Variants in OTUD7B observed in about 807,000 individuals in gnomAD.
The protein encoded by OTUD7B is OTU deubiquitinase 7B, also known as OTU domain-containing protein 7B.
In OTUD7B, 34 loss-of-function variants were observed where a neutral mutation model predicts 82.2. The observed-to-expected ratio is 0.41, with a 90% CI of 0.31 to 0.55. OTUD7B has a LOEUF of 0.55. Among genes scored for constraint, OTUD7B ranks in the 20% least tolerant of loss-of-function variants. The probability of loss-of-function intolerance (pLI) is 0.20; values close to 1 mark genes in which losing one functional copy is unlikely to be tolerated. For missense variants in OTUD7B, 944 were observed against 1,062.1 expected (o/e 0.89, Z 1.55); for synonymous variants, 398 against 402.7 (o/e 0.99, Z 0.14).
chr1:149,978,420 T>C (rs1650476658), intron 1 of OTUD7B, among the ~76,000 whole-genome samples: 1 of 151,986 alleles, frequency 6.6e-6, no homozygotes, highest in Non-Finnish European at 1.5e-5. Context: ...GGCAGGAGAA[T>C]CCCTTGAACC....
chr1:149,989,374 G>T (rs1048838920), intron 1 of OTUD7B, among the ~76,000 whole-genome samples: 1 of 151,152 alleles, frequency 6.6e-6, no homozygotes, highest in Non-Finnish European at 1.5e-5. Flanking sequence ...TCGGGAGGCT[G>T]AGGCAGGAGA....
At chr1:149,988,241 A>G (rs1553781279) in intron 1 of OTUD7B, among the ~76,000 whole-genome samples, 1 of 152,194 alleles carries the variant, frequency 6.6e-6, no homozygotes, top group Non-Finnish European at 1.5e-5. Flanking sequence ...ACCACTCCCA[A>G]AACAATTTAT....
chr1:149,973,868 T>TC (rs1650102306), intron 2 of OTUD7B, among the ~76,000 whole-genome samples: 2 of 149,518 alleles, frequency 1.3e-5, no homozygotes, highest in Admixed American at 1.3e-4. Context: ...ATTTTTTTTT[T>TC]TTTTTTTGAG....
intron 8 of OTUD7B, 58 bp downstream of exon 8, chr1:149,950,034 GCC>G: frequency 6.2e-7 from 1 of 1,604,692 alleles, no homozygotes; most frequent in South Asian, 1.1e-5. Context: ...CCAATGCTTA[GCC>G]TAAGGCTTTG....
At chr1:149,999,264 C>T (rs1310372786) in intron 1 of OTUD7B, among the ~76,000 whole-genome samples, 1 of 152,278 alleles carries the variant, frequency 6.6e-6, no homozygotes, top group South Asian at 2.1e-4. Context: ...AATGACAGGA[C>T]ACCTTGTGCC....
At chr1:150,048,911 C>T in the OTUD7B span, among the ~76,000 whole-genome samples, 1 of 152,196 alleles carries the variant, frequency 6.6e-6, no homozygotes, top group African/African-American at 2.4e-5. Context: ...CAGCTCACGG[C>T]AACCTCTGCC....
At chr1:149,962,826 A>G (rs79424336) in intron 6 of OTUD7B, 1 of 152,216 alleles carries the variant, frequency 6.6e-6, no homozygotes, top group Admixed American at 6.5e-5. Context: ...AAAGCTGACT[A>G]CCACAAAACT....
chr1:149,966,603 A>G (rs1451612399), intron 4 of OTUD7B, among the ~76,000 whole-genome samples: 3 of 152,176 alleles, frequency 2.0e-5, no homozygotes, highest in African/African-American at 7.2e-5. Flanking sequence ...CATGAGGAAA[A>G]TATCTTATGA....
intron 1 of OTUD7B, among the ~76,000 whole-genome samples, chr1:149,990,499 T>C (rs1651484504): frequency 6.6e-6 from 1 of 152,216 alleles, no homozygotes; most frequent in Non-Finnish European, 1.5e-5. Flanking sequence ...ATTTGTCCCA[T>C]CAAGATGTAT....
At chr1:150,022,576 C>T in the OTUD7B span, among the ~76,000 whole-genome samples, 6 of 152,028 alleles carry the variant, frequency 3.9e-5, no homozygotes, top group South Asian at 4.1e-4. Context: ...CCCAGCCTAG[C>T]GGTAGTGCCT....
chr1:150,017,951 G>A, the OTUD7B span, among the ~76,000 whole-genome samples: 4 of 152,104 alleles, frequency 2.6e-5, no homozygotes, highest in Non-Finnish European at 4.4e-5. Flanking sequence ...TCTCACTGAC[G>A]TGCCCTCCAT....
chr1:150,022,967 T>TA, the OTUD7B span, among the ~76,000 whole-genome samples: 1 of 152,204 alleles, frequency 6.6e-6, no homozygotes, highest in East Asian at 1.9e-4. Flanking sequence ...GCAAGAGATT[T>TA]ATCACAATTA....
chr1:149,966,359 C>T (rs189500541), intron 4 of OTUD7B, among the ~76,000 whole-genome samples: 1 of 152,114 alleles, frequency 6.6e-6, no homozygotes, highest in African/African-American at 2.4e-5. Flanking sequence ...ACTCAGGAGA[C>T]CAGTATGTAT....
intron 1 of OTUD7B, among the ~76,000 whole-genome samples, chr1:150,003,648 T>C (rs1652456698): frequency 1.3e-5 from 2 of 152,180 alleles, no homozygotes; most frequent in Non-Finnish European, 2.9e-5. Flanking sequence ...TCCTCGTGGG[T>C]TCCTTGTCTC....
At chr1:149,949,606 C>A in intron 9 of OTUD7B, 23 bp downstream of exon 9, 1 of 1,609,314 alleles carries the variant, frequency 6.2e-7, no homozygotes, top group Non-Finnish European at 8.5e-7. Flanking sequence ...ATAATGCAGA[C>A]CAAAAGACAT....
At chr1:149,973,475 C>CT (rs1650067250) in intron 2 of OTUD7B, among the ~76,000 whole-genome samples, 1 of 152,072 alleles carries the variant, frequency 6.6e-6, no homozygotes, top group South Asian at 2.1e-4. Context: ...AATCAGTTAA[C>CT]TGTTGTTGTT....
chr1:149,995,895 T>A (rs1651892844), intron 1 of OTUD7B, among the ~76,000 whole-genome samples: 1 of 152,196 alleles, frequency 6.6e-6, no homozygotes, highest in Non-Finnish European at 1.5e-5. Context: ...GAATTTCAGC[T>A]GGGCAAAAGA....
rs781850884 is a variant in OTUD7B, at chr1:149,949,058, C to A, written c.1149G>T (p.Glu383Asp). 2 of 1,613,008 alleles carry A rather than the reference C, an allele frequency of 1.2e-6. No homozygotes were observed. The highest frequency in any genetic ancestry group is 1.7e-6 in the Non-Finnish European group (2 of 1,178,942). ...EQAVIPLTDS[E>D]YKLLPLHFAV... Reference sequence around the variant, plus strand: ...CAAAGTGCAAGGGCAGCAGCTTATACTCTGAATCTGTAAGTGGGATCACAG... The same window carrying A: ...CAAAGTGCAAGGGCAGCAGCTTATAATCTGAATCTGTAAGTGGGATCACAG... The change falls in exon 10 of 12, where the codon GAG becomes GAT. Residue 383 changes from glutamate to aspartate, a missense_variant. Glu to Asp is a conservative substitution (Grantham distance 45, BLOSUM62 2). Transcript: ENST00000581312.
chr1:150,027,390 A>C, the OTUD7B span, among the ~76,000 whole-genome samples: 1 of 152,196 alleles, frequency 6.6e-6, no homozygotes, highest in Non-Finnish European at 1.5e-5. Flanking sequence ...GTTTGAGACC[A>C]GCCTGGCCAA....
Sources: gnomAD v4.1 joint callset for allele counts (sites outside exome capture counted in the v4.1 genomes callset) on GRCh38, gnomAD v4.1.1 for gene constraint, MANE v1.5 for transcripts, NCBI Gene and HGNC (gene_info 2026-07-23, HGNC 2026-07-21) for gene names.